Variants in CLEC3A observed in about 807,000 individuals in gnomAD.
CLEC3A encodes the protein C-type lectin domain family 3 member A, also known as C-type (calcium dependent, carbohydrate-recognition domain) lectin, superfamily member 1 (cartilage-derived).
Under a neutral mutation model 20.4 loss-of-function variants are expected in CLEC3A, and 28 were observed. That is an observed-to-expected ratio of 1.37 (90% CI 1.02 to 1.88). The LOEUF (loss-of-function observed/expected upper bound fraction) is 1.88. Among genes scored for constraint, CLEC3A ranks in the 40% most tolerant of loss-of-function variants. CLEC3A has a pLI of 0.00. For missense variants in CLEC3A, 357 were observed against 240.4 expected (o/e 1.48, Z -3.21); for synonymous variants, 110 against 88.1 (o/e 1.25, Z -1.39).
chr16:78,022,857 A>G, intron 1 of CLEC3A, 116 bp downstream of exon 1: 2 of 1,059,112 alleles, frequency 1.9e-6, no homozygotes, highest in East Asian at 2.6e-5. Flanking sequence ...GCACCATGCC[A>G]TCATCCCTAT....
In CLEC3A at chr16:78,030,583, C is replaced by A. The variant is rs552780727; in HGVS notation, c.336C>A (p.Asn112Lys). The change falls in exon 3 of 3, where the codon AAC becomes AAA. Residue 112 changes from asparagine to lysine, a missense_variant. Transcript: ENST00000299642. ...TCCCCAGGAACTCCGACGAAATCAA[C>A]GCCCTCCAAGACTATGGTAAAAGGA... The part of the protein sequence containing the change: ...LVIPRNSDEI[N>K]ALQDYGKRSL... 5.6e-6 allele frequency: 9 copies of A among 1,614,038 alleles called. No homozygotes were observed. Among genetic ancestry groups the A allele is most frequent in the Non-Finnish European group, 7.6e-6 (9 of 1,180,032 alleles).
intron 2 of CLEC3A, among the ~76,000 whole-genome samples, chr16:78,029,905 G>C (rs533919079): frequency 6.6e-6 from 1 of 152,174 alleles, no homozygotes; most frequent in South Asian, 2.1e-4. Flanking sequence ...TGTAATCCAA[G>C]CACTTTGGGA....
chr16:78,025,830 T>A (rs2029898271), intron 1 of CLEC3A, among the ~76,000 whole-genome samples: 1 of 152,230 alleles, frequency 6.6e-6, no homozygotes, highest in East Asian at 1.9e-4. Flanking sequence ...GCCAAGTCCC[T>A]GGACAATGAA....
At chr16:78,027,998 G>T (rs1020543416) in intron 1 of CLEC3A, 109 bp from the exon 2 acceptor site, 9 of 789,094 alleles carry the variant, frequency 1.1e-5, no homozygotes, top group Non-Finnish European at 1.5e-5. Flanking sequence ...ACTGGGCTCA[G>T]GTTCACCAAA....
chr16:78,028,030 A>G (rs2029975731), intron 1 of CLEC3A, 77 bp from the exon 2 acceptor site: 8 of 1,011,766 alleles, frequency 7.9e-6, no homozygotes, highest in Non-Finnish European at 1.1e-5. Flanking sequence ...CTTGGGTCCT[A>G]CATTCCAAAG....
intron 2 of CLEC3A, among the ~76,000 whole-genome samples, chr16:78,028,703 G>T (rs1269869387): frequency 6.6e-6 from 1 of 152,234 alleles, no homozygotes; most frequent in South Asian, 2.1e-4. Flanking sequence ...ATGTGGGCAG[G>T]TTTGGGAACA....
At chr16:78,022,802 C>A in intron 1 of CLEC3A, 61 bp downstream of exon 1, 1 of 1,570,634 alleles carries the variant, frequency 6.4e-7, no homozygotes. Flanking sequence ...AGGTGCTGGA[C>A]AATGTTAATT....
intron 2 of CLEC3A, 69 bp from the exon 3 acceptor site, chr16:78,030,378 G>T: frequency 1.5e-6 from 2 of 1,361,222 alleles, no homozygotes; most frequent in Admixed American, 2.3e-5. Flanking sequence ...ATTGCTATTT[G>T]CCAGGTCCAG....
intron 1 of CLEC3A, among the ~76,000 whole-genome samples, chr16:78,023,620 C>A (rs2018776412): frequency 1.3e-5 from 2 of 152,136 alleles, no homozygotes; most frequent in South Asian, 2.1e-4. Flanking sequence ...CACACATACA[C>A]AAATTTCAGC....
In CLEC3A at chr16:78,030,648, A is replaced by T. The variant is rs781368156; in HGVS notation, c.401A>T (p.Asp134Val). 6.2e-7 allele frequency: 1 copy of T among 1,614,098 alleles called. No individual in the cohort carries two copies. Among genetic ancestry groups the T allele is most frequent in the Non-Finnish European group, 8.5e-7 (1 of 1,180,016 alleles). Residue 134 changes from aspartate to valine, a missense_variant, in exon 3 of 3, where the codon GAC becomes GTC. Asp to Val is a radical substitution (Grantham distance 152, BLOSUM62 -3). Transcript: ENST00000299642. ...AATGACTTTTGGCTGGGCATCAATG[A>T]CATGGTCACGGAAGGCAAGTTTGTT... ...GVNDFWLGINDMVTEGKFVDV... is the reference protein window; with the variant it reads ...GVNDFWLGINVMVTEGKFVDV...
At chr16:78,025,778 C>T (rs1375070038) in intron 1 of CLEC3A, among the ~76,000 whole-genome samples, 1 of 152,124 alleles carries the variant, frequency 6.6e-6, no homozygotes, top group Non-Finnish European at 1.5e-5. Context: ...GTTTGTTGTA[C>T]ATAAAAGACA....
At chr16:78,026,457 C>G (rs968167493) in intron 1 of CLEC3A, among the ~76,000 whole-genome samples, 7 of 152,254 alleles carry the variant, frequency 4.6e-5, no homozygotes, top group African/African-American at 9.6e-5. Context: ...TGTGCAGAAG[C>G]AGGTAAGAGG....
chr16:78,028,648 C>T (rs773094274), intron 2 of CLEC3A, among the ~76,000 whole-genome samples: 18 of 152,226 alleles, frequency 1.2e-4, no homozygotes, highest in Non-Finnish European at 1.9e-4. Context: ...CAGCCACATG[C>T]GCTACTGCCC....
chr16:78,029,154 A>C, intron 2 of CLEC3A: 1 of 455,906 alleles, frequency 2.2e-6, no homozygotes, highest in South Asian at 1.6e-5. Context: ...GAAGGTAAGT[A>C]ATTTGTTCAA....
At position 78,030,584 on chromosome 16, in the gene CLEC3A, G is replaced by C; in HGVS notation, c.337G>C (p.Ala113Pro). Residue 113 changes from alanine to proline, a missense_variant, in exon 3 of 3, where the codon GCC becomes CCC. Transcript: ENST00000299642. ...VIPRNSDEIN[A>P]LQDYGKRSLP... is the part of the protein sequence containing the mutation. ...CCCCAGGAACTCCGACGAAATCAACGCCCTCCAAGACTATGGTAAAAGGAG... is the reference window on the plus strand; with the variant it reads ...CCCCAGGAACTCCGACGAAATCAACCCCCTCCAAGACTATGGTAAAAGGAG... 1 of 1,614,110 alleles carries C rather than the reference G, an allele frequency of 6.2e-7. No individual in the cohort carries two copies. The highest frequency in any genetic ancestry group is 8.5e-7 in the Non-Finnish European group (1 of 1,180,014).
At chr16:78,025,591 G>A (rs1330406711) in intron 1 of CLEC3A, among the ~76,000 whole-genome samples, 1 of 152,120 alleles carries the variant, frequency 6.6e-6, no homozygotes, top group East Asian at 1.9e-4. Flanking sequence ...GTCTACCTCT[G>A]GAGAGCAACA....
chr16:78,027,519 G>C (rs951144459), intron 1 of CLEC3A, among the ~76,000 whole-genome samples: 1 of 152,194 alleles, frequency 6.6e-6, no homozygotes, highest in Non-Finnish European at 1.5e-5. Flanking sequence ...GATGTGACTG[G>C]AGAGACAGAA....
At chr16:78,026,736 A>G (rs1050781319) in intron 1 of CLEC3A, among the ~76,000 whole-genome samples, 16 of 152,232 alleles carry the variant, frequency 1.1e-4, no homozygotes, top group African/African-American at 3.6e-4. Context: ...AATCCTTATT[A>G]CACCTGAAAT....
Position 78,030,854 on chromosome 16 carries a change from T to C in CLEC3A, c.*13T>C, listed in dbSNP as rs2030080849. ...CATCCCTCAATAGGTCTTTCTCCAA[T>C]GTGTCCTCCAAGCAAGATTCATCAT... On this transcript the variant is annotated 3_prime_UTR_variant, in exon 3 of 3. Transcript: ENST00000299642. 1.3e-6 allele frequency: 2 copies of C among 1,595,512 alleles called. No individual in the cohort carries two copies. Among genetic ancestry groups the C allele is most frequent in the Non-Finnish European group, 1.7e-6 (2 of 1,169,974 alleles).
Sources: gnomAD v4.1 joint callset for allele counts (sites outside exome capture counted in the v4.1 genomes callset) on GRCh38, gnomAD v4.1.1 for gene constraint, MANE v1.5 for transcripts, NCBI Gene and HGNC (gene_info 2026-07-23, HGNC 2026-07-21) for gene names.